Variants in SPNS1 observed in about 807,000 individuals in gnomAD.
The protein encoded by SPNS1 is SPNS lysolipid transporter 1, lysophospholipid.
In SPNS1, 22 loss-of-function variants were observed where a neutral mutation model predicts 50.3. That is an observed-to-expected ratio of 0.44 (90% CI 0.31 to 0.62). The LOEUF is 0.62. Among genes scored for constraint, SPNS1 ranks in the 20% least tolerant of loss-of-function variants. The pLI, the probability that SPNS1 is intolerant of heterozygous loss-of-function variation, is 0.07. For missense variants in SPNS1, 576 were observed against 728.6 expected, an observed-to-expected ratio of 0.79 and a Z score of 2.41; for synonymous variants, 295 against 317.4, an observed-to-expected ratio of 0.93 and a Z score of 0.75.
At position 28,981,106 on chromosome 16, in the gene SPNS1, G is replaced by A. The variant is rs150696003; in HGVS notation, c.664-364G>A. Among the ~76,000 whole-genome samples, 948 of 152,300 alleles carry A rather than the reference G, an allele frequency of 6.2e-3. 7 individuals carry two copies. Among genetic ancestry groups the A allele is most frequent in the Non-Finnish European group, 9.5e-3 (647 of 68,026 alleles). ...CCTGGGGCCGTGTTTCCAGGATAGCGTCTGACTAGATGAACATGCATCACG... is the reference window on the plus strand; with the variant it reads ...CCTGGGGCCGTGTTTCCAGGATAGCATCTGACTAGATGAACATGCATCACG... On this transcript the variant is annotated intron_variant, in intron 5 of 11. Coordinates refer to ENST00000311008, the MANE Select transcript of SPNS1 (RefSeq NM_032038.3). This position sits in a 1 kb window ranked among gnomAD's most constrained non-coding sequence, Gnocchi z 4.2.
At chr16:28,977,488 G>A (rs1272144772) in intron 2 of SPNS1, among the ~76,000 whole-genome samples, 3 of 152,112 alleles carry the variant, frequency 2.0e-5, no homozygotes, top group Non-Finnish European at 4.4e-5. Context: ...CTTGATAGAG[G>A]AGGCAGTAGG....
At position 28,975,121 on chromosome 16, in the gene SPNS1, G is replaced by A. The variant is rs540492806; in HGVS notation, c.-31G>A. On this transcript the variant is annotated 5_prime_UTR_variant, in exon 1 of 12. Transcript: ENST00000311008. ...CGCAGGTGGGATCGTCGGTGGGACC[G>A]GAGCGCGGGCGGGCGCGGCCCCCCG... 2.1e-5 allele frequency: 31 copies of A among 1,466,384 alleles called. No individual in the cohort carries two copies. In the South Asian group the frequency reaches 3.1e-4, roughly 15 times the overall value. The allele number at this position is 1,466,384 out of a possible 1,614,324, so 90.8% of individuals were successfully genotyped here.
rs542724029 is a variant in SPNS1 at position 28,974,995 on chromosome 16, C to T, written c.-157C>T. ...GGGAGGCGTGACAGGGCCCGGGTCC[C>T]TTCTCAGTGGTGCTCTGTGCTTCAG... On this transcript the variant is annotated 5_prime_UTR_variant, in exon 1 of 12. Coordinates refer to ENST00000311008, the MANE Select transcript of SPNS1 (RefSeq NM_032038.3). The T allele has an allele frequency of 3.2e-5, 47 of 1,455,510 alleles. 1 individual carries two copies. In the African/African-American group the frequency reaches 5.2e-4, roughly 16 times the overall value. The allele number at this position is 1,455,510 out of a possible 1,614,324, so 90.2% of individuals were successfully genotyped here.
chr16:28,984,715 AGTGTGACCGT>A (rs1965697501), downstream of SPNS1: 1 of 736,462 alleles, frequency 1.4e-6, no homozygotes, highest in African/African-American at 1.7e-5. Flanking sequence ...GAGCTGGCTG[AGTGTGACCGT>A]GAGTCACGCC....
In SPNS1 at chr16:28,981,050, C is replaced by A. The variant is rs944964056; in HGVS notation, c.664-420C>A. Among the ~76,000 whole-genome samples, 1 of 152,154 alleles carries A rather than the reference C, an allele frequency of 6.6e-6. No individual in the cohort carries two copies. Among genetic ancestry groups the A allele is most frequent in the African/African-American group, 2.4e-5 (1 of 41,424 alleles). On this transcript the variant is annotated intron_variant, in intron 5 of 11. Transcript: ENST00000311008. This position sits in a 1 kb window ranked among gnomAD's most constrained non-coding sequence, Gnocchi z 4.2. ...GGACGTGAGAACTCCAGATGATTAC[C>A]TTTCCATTTAGCAACATTGGCACCT... is the stretch of plus-strand genomic sequence containing the variant.
rs1283534250 is a variant in SPNS1, at chr16:28,975,511, G to A, written c.261G>A (p.Glu87=). The A allele has an allele frequency of 1.2e-6, 2 of 1,614,144 alleles. No homozygotes were observed. The highest frequency in any genetic ancestry group is 1.3e-5 in the African/African-American group (1 of 74,958). Residue 87 remains glutamate, a synonymous_variant, in exon 2 of 12, where the codon GAG becomes GAA. Transcript: ENST00000311008. ...CCTCAGGCGTCCTTCCCGACATCGA[G>A]CAGTTCTTCAACATCGGGGACAGTA... The part of the protein sequence containing the change: ...FTVAGVLPDI[E]QFFNIGDSSS...
rs368597378 is a variant in SPNS1 at position 28,975,283 on chromosome 16, G to A, written c.132G>A (p.Gln44=). The change falls in exon 1 of 12, where the codon CAG becomes CAA. Residue 44 remains glutamine (Q), a synonymous_variant. Coordinates refer to ENST00000311008, the MANE Select transcript of SPNS1 (RefSeq NM_032038.3). ...CCGAGGAGCCCGAGGTCCCGGACCA[G>A]GAGGGGCTGCAGCGCATCACCGGCC... ...PKSEEPEVPD[Q]EGLQRITGLS... 49 of 1,576,058 alleles carry A rather than the reference G, an allele frequency of 3.1e-5. 1 individual carries two copies. The Middle Eastern group carries it at 9.6e-4, about 31-fold the overall frequency.
chr16:28,984,478 C>T lies in SPNS1; in HGVS notation c.*179C>T, dbSNP rs1224103651. On this transcript the variant is annotated 3_prime_UTR_variant, in exon 12 of 12. Coordinates refer to ENST00000311008, the MANE Select transcript of SPNS1 (RefSeq NM_032038.3). ...GGAGGTGGGGGTCCAGGAGGGGGATCCCTCTCCACAGGGGCAGCCCCAAGG... is the reference window on the plus strand; with the variant it reads ...GGAGGTGGGGGTCCAGGAGGGGGATTCCTCTCCACAGGGGCAGCCCCAAGG... The T allele has an allele frequency of 1.4e-6, 1 of 722,892 alleles. No individual in the cohort carries two copies. The allele number at this position is 722,892 out of a possible 1,614,324, so 44.8% of individuals were successfully genotyped here. A position where few individuals can be genotyped will look rare whatever the true frequency, so the allele number is the denominator to read the frequency against.
At chr16:28,980,847 C>A (rs1055026692) in intron 5 of SPNS1, among the ~76,000 whole-genome samples, 3 of 150,424 alleles carry the variant, frequency 2.0e-5, no homozygotes, top group Non-Finnish European at 4.4e-5. Context: ...GAGTGAGACT[C>A]TGTCTCGAAA....
At position 28,975,340 on chromosome 16, in the gene SPNS1, G is replaced by T; in HGVS notation, c.189G>T (p.Ala63=). ...CCGGCCGTTCGGCTCTCATAGTGGC[G>T]GTGCTGTGCTACATCAATCTCCTGA... ...LSPGRSALIV[A]VLCYINLLNY... The change falls in exon 1 of 12, where the codon GCG becomes GCT. Residue 63 remains alanine, a synonymous_variant. Coordinates refer to ENST00000311008, the MANE Select transcript of SPNS1 (RefSeq NM_032038.3). 6.3e-7 allele frequency: 1 copy of T among 1,582,524 alleles called. No homozygotes were observed. The highest frequency in any genetic ancestry group is 1.1e-5 in the South Asian group (1 of 87,882).
intron 3 of SPNS1, among the ~76,000 whole-genome samples, chr16:28,978,312 T>C (rs72795903): frequency 0.04 from 6,098 of 152,104 alleles, 199 homozygotes; most frequent in Middle Eastern, 0.075. Flanking sequence ...CTACCTGGCC[T>C]GCCCTCTCTC....
In SPNS1 at chr16:28,982,839, G is replaced by A. The variant is rs375042443; in HGVS notation, c.1156-18G>A. On this transcript the variant is annotated intron_variant, in intron 8 of 11. Transcript: ENST00000311008. ...TTAGCCCTTACTGTCATGAACCCCC[G>A]ACCCTCTCTTCCCCCAGATTTTCAT... The A allele has an allele frequency of 3.5e-5, 56 of 1,613,598 alleles. No homozygotes were observed. Among genetic ancestry groups the A allele is most frequent in the East Asian group, 8.9e-5 (4 of 44,856 alleles).
chr16:28,979,092 G>A (rs1965445131), intron 3 of SPNS1, 63 bp from the exon 4 acceptor site: 11 of 1,572,242 alleles, frequency 7.0e-6, no homozygotes, highest in Non-Finnish European at 9.5e-6. Flanking sequence ...GAGCGGGCTG[G>A]TGAGGTAGCC....
intron 7 of SPNS1, 124 bp from the exon 8 acceptor site, chr16:28,982,232 G>C: frequency 7.3e-7 from 1 of 1,363,180 alleles, no homozygotes; most frequent in Non-Finnish European, 1.0e-6. Context: ...TGCCACTCAG[G>C]GCTGTGCCAA....
intron 2 of SPNS1, 111 bp downstream of exon 2, chr16:28,975,668 T>G (rs1596741338): frequency 1.6e-6 from 2 of 1,220,822 alleles, no homozygotes; most frequent in Non-Finnish European, 2.4e-6. Context: ...TTGTGGCCAG[T>G]TAGGGGAGGT....
chr16:28,975,650 T>C, intron 2 of SPNS1, 93 bp downstream of exon 2: 1 of 1,446,670 alleles, frequency 6.9e-7, no homozygotes, highest in Admixed American at 1.8e-5. Context: ...GGCTCATTAA[T>C]GGAGGTTTTG....
Position 28,981,360 on chromosome 16 carries a change from C to G in SPNS1, c.664-110C>G, listed in dbSNP as rs376385609. On this transcript the variant is annotated intron_variant, in intron 5 of 11. Transcript: ENST00000311008. The surrounding 1 kb of genome is among the most constrained non-coding windows in gnomAD (Gnocchi z 4.2). ...TCGGCTTCTTGGAGCAGGCACTTAA[C>G]TGGGTATTTTAGGTCTCAGGCTGGA... 4 of 1,420,018 alleles carry G rather than the reference C, an allele frequency of 2.8e-6. No individual in the cohort carries two copies. The highest frequency in any genetic ancestry group is 2.9e-6 in the Non-Finnish European group (3 of 1,042,710). The allele number at this position is 1,420,018 out of a possible 1,614,324, so 88.0% of individuals were successfully genotyped here.
chr16:28,979,878 C>T (rs936702897), intron 5 of SPNS1: 32 of 222,832 alleles, frequency 1.4e-4, no homozygotes, highest in Non-Finnish European at 2.6e-4. Flanking sequence ...CAAAAATTAG[C>T]TGGGCGTGGT....
chr16:28,975,582 C>T (rs781621811), intron 2 of SPNS1, 25 bp downstream of exon 2: 141 of 1,612,678 alleles, frequency 8.7e-5, no homozygotes, highest in Non-Finnish European at 1.2e-4. Context: ...CTCCTGGTCA[C>T]ACAGCCGCTC....
Sources: gnomAD v4.1 joint callset for allele counts (sites outside exome capture counted in the v4.1 genomes callset) on GRCh38, gnomAD v4.1.1 for gene constraint, Gnocchi (gnomAD v3.1) non-coding constraint, MANE v1.5 for transcripts, NCBI Gene and HGNC (gene_info 2026-07-23, HGNC 2026-07-21) for gene names.